The following ZFP14 variants were observed in gnomAD, a reference collection of about 807,000 sequenced individuals.
ZFP14 encodes zinc finger protein 14 homolog.
In ZFP14, 22 loss-of-function variants were observed where a neutral mutation model predicts 54.5. The ratio of observed to expected loss-of-function variants is 0.40; its 90% CI spans 0.29 to 0.58. The LOEUF is 0.58. ZFP14 is among the 20% of genes least tolerant of loss of function. ZFP14 has a pLI of 0.39. For synonymous variants in ZFP14, 159 were observed against 204.0 expected, an observed-to-expected ratio of 0.78 and a Z score of 1.88; for missense variants, 470 against 637.8, an observed-to-expected ratio of 0.74 and a Z score of 2.83.
At chr19:36,364,866 C>T (rs2031766846) in intron 2 of ZFP14, among the ~76,000 whole-genome samples, 1 of 152,028 alleles carries the variant, frequency 6.6e-6, no homozygotes, top group Non-Finnish European at 1.5e-5. Flanking sequence ...CACTTAACAT[C>T]AGTAATCCAT....
At chr19:36,360,342 G>A (rs908905048) in intron 4 of ZFP14, 93 bp downstream of exon 4, 5 of 1,091,330 alleles carry the variant, frequency 4.6e-6, no homozygotes, top group Admixed American at 2.6e-5. Flanking sequence ...TTTGAAGAGA[G>A]ACCCCAACAT....
At position 36,341,158 on chromosome 19, in the gene ZFP14, G is replaced by A. The variant is rs775512292; in HGVS notation, c.668C>T (p.Thr223Ile). 3 of 1,614,140 alleles carry A rather than the reference G, an allele frequency of 1.9e-6. No individual in the cohort carries two copies. Among genetic ancestry groups the A allele is most frequent in the Non-Finnish European group, 2.5e-6 (3 of 1,180,028 alleles). ...CTTACATTCATAGGGTTTCTCACCG[G>A]TGTGAAGTTTGTGATGTCGAATAAG... is the stretch of plus-strand genomic sequence containing the variant. The part of the protein sequence containing the change: ...AHLIRHHKLH[T>I]GEKPYECKEC... Residue 223 changes from threonine to isoleucine, a missense_variant, in exon 5 of 5, where the codon ACC becomes ATC. By Grantham distance (89) the Thr-to-Ile change is moderately conservative. Transcript: ENST00000270001. This position sits in a 1 kb window ranked among gnomAD's most constrained non-coding sequence, Gnocchi z 4.2.
Position 36,360,507 on chromosome 19 carries a change from T to G in ZFP14, c.163A>C (p.Ile55Leu), listed in dbSNP as rs1340712542. ...LGPSISKPDV[I>L]TLLDEERKEP... ...TTCCTTTCTTCATCCAATAAGGTAATCACATCTGGTTTAGAAATGGAAGGT... is the reference window on the plus strand; with the variant it reads ...TTCCTTTCTTCATCCAATAAGGTAAGCACATCTGGTTTAGAAATGGAAGGT... The change falls in exon 4 of 5, where the codon ATT becomes CTT. Residue 55 changes from isoleucine (I) to leucine (L), a missense_variant. Ile to Leu is a conservative substitution (Grantham distance 5). Coordinates refer to ENST00000270001, the MANE Select transcript of ZFP14 (RefSeq NM_020917.3). The G allele has an allele frequency of 2.5e-6, 4 of 1,613,458 alleles. No individual in the cohort carries two copies. Among genetic ancestry groups the G allele is most frequent in the Non-Finnish European group, 3.4e-6 (4 of 1,179,710 alleles).
chr19:36,344,593 A>G (rs71354192), intron 4 of ZFP14, among the ~76,000 whole-genome samples: 8,095 of 152,216 alleles, frequency 0.053, 253 homozygotes, highest in Non-Finnish European at 0.066. Flanking sequence ...AGACCAGTCC[A>G]TGGTCTGTTG....
In ZFP14 at chr19:36,338,717, T is replaced by G. The variant is rs2031252609; in HGVS notation, c.*1507A>C. On this transcript the variant is annotated 3_prime_UTR_variant, in exon 5 of 5. Transcript: ENST00000270001. ...GCCACAATCAAGTAAACTATCAAAT[T>G]ATTGGTGGGATCACATCAAAAACTC... is the stretch of plus-strand genomic sequence containing the variant. 1 of 152,144 alleles carries G rather than the reference T, an allele frequency of 6.6e-6. No homozygotes were observed. Among genetic ancestry groups the G allele is most frequent in the African/African-American group, 2.4e-5 (1 of 41,436 alleles). 9.4% of individuals were successfully genotyped at this position (152,144 alleles called of 1,614,324 possible). A position where few individuals can be genotyped will look rare whatever the true frequency, so the allele number is the denominator to read the frequency against.
chr19:36,344,484 T>A (rs186187974), intron 4 of ZFP14, among the ~76,000 whole-genome samples: 5 of 152,294 alleles, frequency 3.3e-5, no homozygotes, highest in Non-Finnish European at 7.3e-5. Flanking sequence ...AAATACATAA[T>A]AGATATTACC....
intron 4 of ZFP14, among the ~76,000 whole-genome samples, chr19:36,349,086 G>A (rs907227205): frequency 4.0e-5 from 6 of 150,662 alleles, no homozygotes; most frequent in East Asian, 4.0e-4. Context: ...AAAATTAGCC[G>A]GGTGTAGTGC....
At chr19:36,347,654 C>A (rs922385377) in intron 4 of ZFP14, among the ~76,000 whole-genome samples, 3 of 151,588 alleles carry the variant, frequency 2.0e-5, no homozygotes, top group African/African-American at 4.8e-5. Context: ...AATCAAAGAC[C>A]CACTCCAAAA....
At chr19:36,378,970 A>G (rs1398539525) in intron 1 of ZFP14, 193 bp downstream of exon 1, 3 of 152,258 alleles carry the variant, frequency 2.0e-5, no homozygotes, top group Non-Finnish European at 4.4e-5. Flanking sequence ...GGGTTCCTGT[A>G]TCTAACTCGG....
chr19:36,378,662 A>G (rs2032000539), intron 1 of ZFP14: 1 of 152,216 alleles, frequency 6.6e-6, no homozygotes, highest in Non-Finnish European at 1.5e-5. Flanking sequence ...GGGAAAGGAG[A>G]CGGGAATCTT....
At chr19:36,378,300 T>C (rs1356709712) in intron 1 of ZFP14, 1 of 152,130 alleles carries the variant, frequency 6.6e-6, no homozygotes, top group Non-Finnish European at 1.5e-5. Context: ...GCAAAGCAAG[T>C]CTAGAACATC....
chr19:36,347,622 A>G (rs199800422), intron 4 of ZFP14, among the ~76,000 whole-genome samples: 3 of 151,276 alleles, frequency 2.0e-5, no homozygotes, highest in African/African-American at 4.9e-5. Context: ...AAAAACAAAG[A>G]AAAGAAAGAA....
Position 36,353,934 on chromosome 19 carries a change from C to T in ZFP14, c.235+6501G>A, listed in dbSNP as rs1423498107. Among the ~76,000 whole-genome samples the T allele has an allele frequency of 3.7e-5, 5 of 135,752 alleles. 1 individual carries two copies. In the East Asian group the frequency reaches 8.7e-4, roughly 24 times the overall value. The allele number at this position is 135,752 out of a possible 152,430, so 89.1% of individuals were successfully genotyped here. On this transcript the variant is annotated intron_variant, in intron 4 of 4. Coordinates refer to ENST00000270001, the MANE Select transcript of ZFP14 (RefSeq NM_020917.3). Reference sequence around the variant, plus strand: ...TACAAAAAATACAAAAATTTTCCAGCGGTGGTGGCATGCGCCTGTAGTCCC... The same window carrying T: ...TACAAAAAATACAAAAATTTTCCAGTGGTGGTGGCATGCGCCTGTAGTCCC...
rs1242614396 is a variant in ZFP14, at chr19:36,338,604, C to A, written c.*1620G>T. The A allele has an allele frequency of 6.6e-6, 1 of 152,042 alleles. No individual in the cohort carries two copies. The highest frequency in any genetic ancestry group is 1.9e-4 in the East Asian group (1 of 5,160). 9.4% of individuals were successfully genotyped at this position (152,042 alleles called of 1,614,324 possible). ...AGTGAACTGTGCTTGTACCACTGCA[C>A]TCCAGCCTGGGGGACAAAGTGACAC... On this transcript the variant is annotated 3_prime_UTR_variant, in exon 5 of 5. Transcript: ENST00000270001.
chr19:36,351,750 C>T (rs61055798), intron 4 of ZFP14, among the ~76,000 whole-genome samples: 59,404 of 138,744 alleles, frequency 0.43, 17,857 homozygotes, highest in Admixed American at 0.53. Context: ...TCCTACCTAC[C>T]CAAGAGGCTG....
chr19:36,342,423 G>T (rs1048825208), intron 4 of ZFP14, among the ~76,000 whole-genome samples: 2 of 151,780 alleles, frequency 1.3e-5, no homozygotes, highest in Non-Finnish European at 2.9e-5. Flanking sequence ...CTGACCTCAG[G>T]TGATCCGCCC....
At chr19:36,359,808 C>T (rs562088747) in intron 4 of ZFP14, among the ~76,000 whole-genome samples, 12 of 152,176 alleles carry the variant, frequency 7.9e-5, no homozygotes, top group Non-Finnish European at 1.6e-4. Context: ...GTGCCCGCCA[C>T]TATGCCCAGC....
chr19:36,358,044 T>TGATC lies in ZFP14; in HGVS notation c.235+2387_235+2390dup, dbSNP rs1273208952. On this transcript the variant is annotated intron_variant, in intron 4 of 4. Coordinates refer to ENST00000270001, the MANE Select transcript of ZFP14 (RefSeq NM_020917.3). ...AGGCATGAGCCACCATGCCCGGCTC[T>TGATC]GATCTATCTATCTATCTATCTATCT... Among the ~76,000 whole-genome samples, 370 of 140,898 alleles carry TGATC rather than the reference T, an allele frequency of 2.6e-3. 6 individuals are homozygous for TGATC. The highest frequency in any genetic ancestry group is 0.023 in the East Asian group (106 of 4,622). 92.4% of individuals were successfully genotyped at this position (140,898 alleles called of 152,430 possible).
intron 4 of ZFP14, among the ~76,000 whole-genome samples, chr19:36,352,843 A>C (rs1333458071): frequency 7.1e-6 from 1 of 141,058 alleles, no homozygotes; most frequent in African/African-American, 2.6e-5. Flanking sequence ...TGGGAGGCTG[A>C]GGCAGAAGAA....
Sources: gnomAD v4.1 joint callset for allele counts (sites outside exome capture counted in the v4.1 genomes callset) on GRCh38, gnomAD v4.1.1 for gene constraint, Gnocchi (gnomAD v3.1) non-coding constraint, MANE v1.5 for transcripts, NCBI Gene and HGNC (gene_info 2026-07-23, HGNC 2026-07-21) for gene names.